PIK3C2G: variants seen among roughly 807,000 people sequenced by gnomAD.
PIK3C2G encodes the protein phosphatidylinositol-4-phosphate 3-kinase catalytic subunit type 2 gamma.
PIK3C2G carries 168 observed loss-of-function variants against 181.1 expected under a neutral mutation model. That is an observed-to-expected ratio of 0.93 (90% confidence interval 0.82 to 1.05). The LOEUF is 1.05. Ranked by LOEUF, PIK3C2G falls within the 50% of genes least tolerant of loss-of-function variation. The pLI is 0.00. For synonymous variants in PIK3C2G, 573 were observed against 592.2 expected, an observed-to-expected ratio of 0.97 and a Z score of 0.47; for missense variants, 1,869 against 1,732.8, an observed-to-expected ratio of 1.08 and a Z score of -1.40.
intron 1 of PIK3C2G, among the ~76,000 whole-genome samples, chr12:18,269,788 TC>T (rs1948666417): frequency 6.6e-6 from 1 of 151,974 alleles, no homozygotes; most frequent in Non-Finnish European, 1.5e-5. Flanking sequence ...ATACATAGAA[TC>T]AGTTAAATAA....
chr12:18,362,867 T>C lies in PIK3C2G; in HGVS notation c.1729T>C (p.Leu577=), dbSNP rs1210452361. Residue 577 remains leucine (L), a synonymous_variant, in exon 12 of 33, where the codon TTG becomes CTG. Transcript: ENST00000538779. ...TCCAGACAAGAAATTATTTTTTTTC[T>C]TGGTCAACTGGAATGAAACGTAAGT... ...NIPDKKLFFF[L]VNWNETINFP... 2.0e-6 allele frequency: 3 copies of C among 1,511,996 alleles called. No homozygotes were observed. The highest frequency in any genetic ancestry group is 2.8e-5 in the African/African-American group (2 of 71,908). The allele number at this position is 1,511,996 out of a possible 1,614,324, so 93.7% of individuals were successfully genotyped here.
intron 18 of PIK3C2G, among the ~76,000 whole-genome samples, chr12:18,434,933 C>G (rs1276302386): frequency 6.6e-6 from 1 of 150,564 alleles, no homozygotes; most frequent in South Asian, 2.1e-4. Flanking sequence ...GACTTTTGTC[C>G]AAAAATTTTA....
At chr12:18,442,835 A>G (rs1279034993) in intron 18 of PIK3C2G, among the ~76,000 whole-genome samples, 1 of 151,950 alleles carries the variant, frequency 6.6e-6, no homozygotes, top group Non-Finnish European at 1.5e-5. Context: ...GATCTGAATC[A>G]TTCGGTCTAC....
At chr12:18,434,669 C>A (rs1946351221) in intron 18 of PIK3C2G, among the ~76,000 whole-genome samples, 1 of 152,080 alleles carries the variant, frequency 6.6e-6, no homozygotes, top group Non-Finnish European at 1.5e-5. Flanking sequence ...TATACAGAAG[C>A]AAAATGCAGT....
chr12:18,466,701 G>A (rs1229718231), intron 18 of PIK3C2G, among the ~76,000 whole-genome samples: 5 of 151,788 alleles, frequency 3.3e-5, no homozygotes, highest in African/African-American at 4.8e-5. Flanking sequence ...AGAGAAGCTC[G>A]AAAGGTTCAA....
At chr12:18,602,646 A>G (rs1019376998) in intron 30 of PIK3C2G, among the ~76,000 whole-genome samples, 3 of 151,886 alleles carry the variant, frequency 2.0e-5, no homozygotes, top group Admixed American at 6.6e-5. Context: ...CCTCACCAAA[A>G]CAGATGCTGG....
intron 18 of PIK3C2G, among the ~76,000 whole-genome samples, chr12:18,480,466 CAT>C (rs1638837846): frequency 6.6e-6 from 1 of 152,076 alleles, no homozygotes; most frequent in Non-Finnish European, 1.5e-5. Context: ...TACGTGTTAA[CAT>C]ATGAGTAGGC....
chr12:18,292,220 A>AT (rs1949725066), intron 4 of PIK3C2G, among the ~76,000 whole-genome samples: 5 of 91,938 alleles, frequency 5.4e-5, no homozygotes, highest in African/African-American at 8.0e-5. Context: ...CAAAAAAAAA[A>AT]AAAAAAAATA....
intron 16 of PIK3C2G, among the ~76,000 whole-genome samples, chr12:18,417,582 C>T (rs1201757437): frequency 6.6e-6 from 1 of 152,138 alleles, no homozygotes; most frequent in African/African-American, 2.4e-5. Context: ...GAACACCCTC[C>T]ACCAGCAAAA....
At chr12:18,269,272 C>T (rs1483376193) in intron 1 of PIK3C2G, among the ~76,000 whole-genome samples, 1 of 152,082 alleles carries the variant, frequency 6.6e-6, no homozygotes, top group Non-Finnish European at 1.5e-5. Context: ...TATTAAACAT[C>T]ATTAAGTAGG....
At chr12:18,264,683 T>C (rs933524203) in intron 1 of PIK3C2G, among the ~76,000 whole-genome samples, 1 of 152,158 alleles carries the variant, frequency 6.6e-6, no homozygotes, top group African/African-American at 2.4e-5. Context: ...AGCTACTTTT[T>C]GGAATATTGT....
At chr12:18,560,180 C>T (rs1336788017) in intron 26 of PIK3C2G, among the ~76,000 whole-genome samples, 1 of 151,468 alleles carries the variant, frequency 6.6e-6, no homozygotes, top group African/African-American at 2.4e-5. Context: ...TAGGAAAGCC[C>T]CAGACCGTAA....
At chr12:18,513,513 T>G (rs980496495) in intron 24 of PIK3C2G, among the ~76,000 whole-genome samples, 4 of 151,870 alleles carry the variant, frequency 2.6e-5, no homozygotes, top group African/African-American at 9.7e-5. Context: ...GCTTTCTGAT[T>G]CAGTCTTGGT....
chr12:18,264,318 G>A lies in PIK3C2G; in HGVS notation c.-79+2741G>A, dbSNP rs376872116. On this transcript the variant is annotated intron_variant, in intron 1 of 32. Coordinates refer to ENST00000538779, the MANE Select transcript of PIK3C2G (RefSeq NM_001288772.2). ...TGTTATTATTGTTTATATAGTCAAC[G>A]TTAGTCCAGAATTATCCACGTATTT... 7.9e-5 allele frequency among the ~76,000 whole-genome samples: 12 copies of A among 152,012 alleles called. No individual in the cohort carries two copies. In the East Asian group the frequency reaches 2.1e-3, roughly 27 times the overall value.
At chr12:18,698,819 T>C in the PIK3C2G span, among the ~76,000 whole-genome samples, 1 of 152,196 alleles carries the variant, frequency 6.6e-6, no homozygotes, top group Non-Finnish European at 1.5e-5. Flanking sequence ...AAATGTACAA[T>C]AAACTATTGT....
At chr12:18,313,144 G>A (rs556403480) in intron 5 of PIK3C2G, among the ~76,000 whole-genome samples, 1 of 152,054 alleles carries the variant, frequency 6.6e-6, no homozygotes, top group Non-Finnish European at 1.5e-5. Flanking sequence ...ATTTAAAGCT[G>A]TAAAGGGACT....
intron 1 of PIK3C2G, among the ~76,000 whole-genome samples, chr12:18,268,978 A>G (rs1948629387): frequency 6.6e-6 from 1 of 151,686 alleles, no homozygotes; most frequent in Non-Finnish European, 1.5e-5. Context: ...GCAGTGGTGC[A>G]TATCAGTGCT....
intron 28 of PIK3C2G, 105 bp downstream of exon 28, chr12:18,563,603 T>C: frequency 2.0e-6 from 2 of 995,724 alleles, no homozygotes; most frequent in Non-Finnish European, 3.0e-6. Context: ...CACAGTATTC[T>C]GACTCCAATG....
chr12:18,591,478 C>A (rs188300312), intron 29 of PIK3C2G, among the ~76,000 whole-genome samples: 1 of 151,772 alleles, frequency 6.6e-6, no homozygotes, highest in African/African-American at 2.4e-5. Flanking sequence ...ACATGACAAA[C>A]CCTGGGCAAA....
Sources: gnomAD v4.1 joint callset for allele counts (sites outside exome capture counted in the v4.1 genomes callset) on GRCh38, gnomAD v4.1.1 for gene constraint, MANE v1.5 for transcripts, NCBI Gene and HGNC (gene_info 2026-07-23, HGNC 2026-07-21) for gene names.